DAAM2: variants seen among roughly 807,000 people sequenced by gnomAD.
DAAM2 encodes dishevelled associated activator of morphogenesis 2, also known as disheveled-associated activator of morphogenesis 2.
A neutral mutation model predicts 120.7 loss-of-function variants in DAAM2; 39 were observed. That is an observed-to-expected ratio of 0.32 (90% CI 0.25 to 0.42). The LOEUF (loss-of-function observed/expected upper bound fraction) is 0.42. DAAM2 is among the 10% of genes least tolerant of loss of function. DAAM2 has a pLI of 1.00. For missense variants in DAAM2, 1,283 were observed against 1,401.7 expected (o/e 0.92, Z 1.35); for synonymous variants, 488 against 524.9 (o/e 0.93, Z 0.96).
In DAAM2 at chr6:39,898,869, C is replaced by T; in HGVS notation, c.2619-8C>T. 4 of 1,611,284 alleles carry T rather than the reference C, an allele frequency of 2.5e-6. No individual in the cohort carries two copies. In the South Asian group the frequency reaches 3.3e-5, roughly 13 times the overall value. On this transcript the variant is annotated splice_polypyrimidine_tract_variant and splice_region_variant and intron_variant, in intron 21 of 24. Coordinates refer to ENST00000274867, the MANE Select transcript of DAAM2 (RefSeq NM_001201427.2). ...TCCTCATTCCCTTCCCTCTGTGTCT[C>T]CTTACAGCCTAGCAGAACTGGAGAA...
chr6:39,861,584 T>G, intron 3 of DAAM2: 1 of 189,196 alleles, frequency 5.3e-6, no homozygotes. Context: ...TCCTCCCTTC[T>G]GCTTTCCCAG....
At chr6:39,864,065 T>C (rs1475125967) in intron 3 of DAAM2, among the ~76,000 whole-genome samples, 1 of 152,090 alleles carries the variant, frequency 6.6e-6, no homozygotes, top group Non-Finnish European at 1.5e-5. Context: ...AGTAAAAAGA[T>C]GTATAAAAAT....
intron 3 of DAAM2, 114 bp from the exon 4 acceptor site, chr6:39,864,319 G>T: frequency 2.6e-6 from 2 of 757,780 alleles, no homozygotes; most frequent in South Asian, 3.5e-5. Context: ...CAACCCACCC[G>T]ACATGGGCAG....
At chr6:39,879,734 C>T (rs1319192751) in intron 14 of DAAM2, 2 of 584,068 alleles carry the variant, frequency 3.4e-6, no homozygotes, top group Non-Finnish European at 6.2e-6. Context: ...TTTGTGTTTG[C>T]CCAGGGTTAA....
In DAAM2 at chr6:39,901,178, C is replaced by A; in HGVS notation, c.2812-124C>A. The stretch of plus-strand genomic sequence containing the variant: ...TCTTCTCACCTCTTCCAGCCCTGCC[C>A]CCTGTGCCAACAGTCCCCAGCCTTG... On this transcript the variant is annotated intron_variant, in intron 23 of 24. Transcript: ENST00000274867. The surrounding 1 kb of genome is among the most constrained non-coding windows in gnomAD (Gnocchi z 4.5). 1.2e-6 allele frequency: 1 copy of A among 811,768 alleles called. No homozygotes were observed. 50.3% of individuals were successfully genotyped at this position (811,768 alleles called of 1,614,324 possible).
intron 10 of DAAM2, among the ~76,000 whole-genome samples, chr6:39,874,023 G>A (rs978637018): frequency 6.6e-6 from 1 of 152,206 alleles, no homozygotes; most frequent in Non-Finnish European, 1.5e-5. Context: ...CACCATAATG[G>A]TTGATGTTGG....
At chr6:39,816,974 A>T (rs1005650296) in intron 1 of DAAM2, among the ~76,000 whole-genome samples, 15 of 152,224 alleles carry the variant, frequency 9.9e-5, no homozygotes, top group African/African-American at 3.6e-4. Context: ...CGTGTTTAAC[A>T]TTCTTGTTGC....
chr6:39,840,389 T>A (rs1322279403), intron 1 of DAAM2, among the ~76,000 whole-genome samples: 1 of 152,210 alleles, frequency 6.6e-6, no homozygotes, highest in Non-Finnish European at 1.5e-5. Context: ...TCGGAGTTTC[T>A]TGTGAGAATT....
At chr6:39,884,543 G>T in intron 15 of DAAM2, 2 of 156,404 alleles carry the variant, frequency 1.3e-5, no homozygotes, top group South Asian at 3.7e-4. Context: ...CTATGAGACC[G>T]AGCAGGGGAT....
At chr6:39,803,134 G>T (rs1238982645) in intron 1 of DAAM2, among the ~76,000 whole-genome samples, 1 of 152,178 alleles carries the variant, frequency 6.6e-6, no homozygotes, top group South Asian at 2.1e-4. Context: ...GTTGTGAGTA[G>T]CCTTGCTGTG....
In DAAM2 at chr6:39,810,676, G is replaced by A. The variant is rs140474421; in HGVS notation, c.-57+18211G>A. Reference sequence around the variant, plus strand: ...CCCCTTATGGGGACAAATGTGTCTCGGTCCAAGTCACCCTTCAGAGTTCCT... The same window carrying A: ...CCCCTTATGGGGACAAATGTGTCTCAGTCCAAGTCACCCTTCAGAGTTCCT... On this transcript the variant is annotated intron_variant, in intron 1 of 24. Transcript: ENST00000274867. 3.4e-4 allele frequency among the ~76,000 whole-genome samples: 51 copies of A among 152,166 alleles called. No individual in the cohort carries two copies. In the East Asian group the frequency reaches 7.7e-3, roughly 23 times the overall value.
chr6:39,798,608 A>G (rs1761768680), intron 1 of DAAM2, among the ~76,000 whole-genome samples: 1 of 152,152 alleles, frequency 6.6e-6, no homozygotes, highest in Non-Finnish European at 1.5e-5. Flanking sequence ...TGTATGACCA[A>G]TTGCTGTGTC....
rs1764947650 is a variant in DAAM2, at chr6:39,878,164, T to C, written c.1302-39T>C. 1.2e-6 allele frequency: 2 copies of C among 1,609,028 alleles called. No homozygotes were observed. The highest frequency in any genetic ancestry group is 2.7e-5 in the African/African-American group (2 of 74,908). On this transcript the variant is annotated intron_variant, in intron 11 of 24. Coordinates refer to ENST00000274867, the MANE Select transcript of DAAM2 (RefSeq NM_001201427.2). This position sits in a 1 kb window ranked among gnomAD's most constrained non-coding sequence, Gnocchi z 5.0. ...CTCCTGGGAAGCTGTGAATCAATGG[T>C]CAACAATCACATTGCCCCTTCCCTC...
At chr6:39,841,320 C>T (rs894114877) in intron 1 of DAAM2, among the ~76,000 whole-genome samples, 3 of 100,928 alleles carry the variant, frequency 3.0e-5, no homozygotes, top group African/African-American at 4.4e-5. Flanking sequence ...TGGGGAGGGG[C>T]TTCTAGGGCG....
chr6:39,855,506 T>C (rs191418827), intron 1 of DAAM2, among the ~76,000 whole-genome samples: 7 of 152,242 alleles, frequency 4.6e-5, no homozygotes, highest in African/African-American at 1.7e-4. Flanking sequence ...AAATGTCAAA[T>C]ACCATTCCAA....
intron 5 of DAAM2, among the ~76,000 whole-genome samples, chr6:39,866,229 G>A (rs1228119150): frequency 6.6e-6 from 1 of 152,166 alleles, no homozygotes; most frequent in African/African-American, 2.4e-5. Flanking sequence ...AAATAAAGGG[G>A]TTGAGAGGAA....
Position 39,887,783 on chromosome 6 carries a change from C to T in DAAM2, c.2060+191C>T, listed in dbSNP as rs1307962261. 1.8e-5 allele frequency: 10 copies of T among 543,932 alleles called. No individual in the cohort carries two copies. The East Asian group carries it at 3.2e-4, about 17-fold the overall frequency. The allele number at this position is 543,932 out of a possible 1,614,324, so 33.7% of individuals were successfully genotyped here. On this transcript the variant is annotated intron_variant, in intron 16 of 24. Transcript: ENST00000274867. The stretch of plus-strand genomic sequence containing the variant: ...CTCTGCAGGCAGGAAACTGCCCAGT[C>T]ACGAGGCCCTTGCCCAGCCTGGTCA...
intron 1 of DAAM2, among the ~76,000 whole-genome samples, chr6:39,841,325 A>G (rs1444085728): frequency 1.8e-5 from 1 of 56,606 alleles, no homozygotes; most frequent in Non-Finnish European, 3.1e-5. Context: ...AGGGGCTTCT[A>G]GGGCGAGGGT....
At chr6:39,888,370 C>G (rs774335634) in intron 16 of DAAM2, 1 of 199,418 alleles carries the variant, frequency 5.0e-6, no homozygotes, top group Non-Finnish European at 1.0e-5. Flanking sequence ...GATCAGGAAC[C>G]CTTTGCCCTG....
Sources: gnomAD v4.1 joint callset for allele counts (sites outside exome capture counted in the v4.1 genomes callset) on GRCh38, gnomAD v4.1.1 for gene constraint, Gnocchi (gnomAD v3.1) non-coding constraint, MANE v1.5 for transcripts, NCBI Gene and HGNC (gene_info 2026-07-23, HGNC 2026-07-21) for gene names.